Variants in MDFIC observed in about 807,000 individuals in gnomAD.
MDFIC encodes the protein myoD family inhibitor domain-containing protein.
In MDFIC, 17 loss-of-function variants were observed where a neutral mutation model predicts 23.2. The ratio of observed to expected loss-of-function variants is 0.73; its 90% CI spans 0.50 to 1.10. MDFIC has a LOEUF of 1.10. MDFIC is among the 50% of genes least tolerant of loss of function. MDFIC has a pLI of 0.00. For synonymous variants in MDFIC, 120 were observed against 115.2 expected, an observed-to-expected ratio of 1.04 and a Z score of -0.27; for missense variants, 356 against 316.6, an observed-to-expected ratio of 1.12 and a Z score of -0.95.
At chr7:114,976,923 C>T (rs1336409067) in intron 3 of MDFIC, among the ~76,000 whole-genome samples, 2 of 151,936 alleles carry the variant, frequency 1.3e-5, no homozygotes, top group African/African-American at 4.8e-5. Context: ...CTCTTTAGCA[C>T]ATTTATCAAC....
chr7:114,923,023 C>A lies in MDFIC; in HGVS notation c.-11C>A. ...CGGCAGCGGCGCGGCGCGGGCTCGG[C>A]GGAGCGGCCCATGTCCGGCGCGGGC... is the stretch of plus-strand genomic sequence containing the variant. On this transcript the variant is annotated 5_prime_UTR_variant, in exon 2 of 5. Transcript: ENST00000393486. The A allele has an allele frequency of 1.4e-6, 2 of 1,433,076 alleles. No homozygotes were observed. Among genetic ancestry groups the A allele is most frequent in the Non-Finnish European group, 9.2e-7 (1 of 1,091,436 alleles). The allele number at this position is 1,433,076 out of a possible 1,614,324, so 88.8% of individuals were successfully genotyped here. A position where few individuals can be genotyped will look rare whatever the true frequency, so the allele number is the denominator to read the frequency against.
chr7:114,933,344 C>CTCCTCCCA (rs1792364550), intron 2 of MDFIC, among the ~76,000 whole-genome samples: 1 of 151,478 alleles, frequency 6.6e-6, no homozygotes, highest in Non-Finnish European at 1.5e-5. Flanking sequence ...CTGCAGCCTC[C>CTCCTCCCA]GCCTCCCAGG....
chr7:114,956,094 A>AGT (rs1249276248), intron 3 of MDFIC, among the ~76,000 whole-genome samples: 1 of 152,058 alleles, frequency 6.6e-6, no homozygotes, highest in Non-Finnish European at 1.5e-5. Flanking sequence ...TCCTCTAGAG[A>AGT]GTGTTAGAAT....
chr7:114,988,284 G>A (rs891589401), intron 4 of MDFIC, among the ~76,000 whole-genome samples: 2 of 152,112 alleles, frequency 1.3e-5, no homozygotes, highest in Admixed American at 1.3e-4. Context: ...TGGATGCAGA[G>A]GCTATTTAGA....
At chr7:114,998,682 C>T (rs1474268404) in intron 4 of MDFIC, among the ~76,000 whole-genome samples, 2 of 151,856 alleles carry the variant, frequency 1.3e-5, no homozygotes, top group African/African-American at 2.4e-5. Flanking sequence ...TACCTGTTTT[C>T]CCCCCAATGT....
At chr7:114,958,867 T>C (rs1792934266) in intron 3 of MDFIC, among the ~76,000 whole-genome samples, 1 of 152,216 alleles carries the variant, frequency 6.6e-6, no homozygotes, top group African/African-American at 2.4e-5. Context: ...ATTATCTTCC[T>C]CCGGTTTGCT....
intron 2 of MDFIC, among the ~76,000 whole-genome samples, chr7:114,937,222 A>G (rs191667540): frequency 6.2e-4 from 95 of 152,304 alleles, no homozygotes; most frequent in Admixed American, 2.0e-3. Context: ...GTTTCTTACC[A>G]TTCATGCCCT....
intron 4 of MDFIC, among the ~76,000 whole-genome samples, chr7:114,998,734 T>C (rs1322915239): frequency 6.6e-6 from 1 of 152,200 alleles, no homozygotes; most frequent in African/African-American, 2.4e-5. Context: ...TGTGCTTCCA[T>C]CTCTGTATAT....
rs1792546910 is a variant in MDFIC, at chr7:114,941,885, C to G, written c.95-390C>G. On this transcript the variant is annotated intron_variant, in intron 2 of 4. Coordinates refer to ENST00000393486, the MANE Select transcript of MDFIC (RefSeq NM_001166345.3). ...AGCTGCAGGCCGACTTTCGTCTCTA[C>G]CACTCATCAGAGCTTCTTCTCTTTC... Among the ~76,000 whole-genome samples, 3 of 152,300 alleles carry G rather than the reference C, an allele frequency of 2.0e-5. 1 individual carries two copies. The highest frequency in any genetic ancestry group is 4.1e-4 in the South Asian group (2 of 4,824).
At chr7:114,971,183 G>A (rs1793198199) in intron 3 of MDFIC, among the ~76,000 whole-genome samples, 2 of 152,190 alleles carry the variant, frequency 1.3e-5, no homozygotes, top group Non-Finnish European at 1.5e-5. Context: ...ACAGTTTTCT[G>A]CAGAGTACCA....
chr7:115,010,338 GAAATAGAAGGTTAC>G (rs1030950489), intron 4 of MDFIC, among the ~76,000 whole-genome samples: 10 of 151,494 alleles, frequency 6.6e-5, no homozygotes, highest in Admixed American at 6.6e-4. Context: ...CTATGACTTA[GAAATAGAAGGTTAC>G]AAATAGAAGG....
chr7:114,946,656 T>A (rs1432843205), intron 3 of MDFIC, among the ~76,000 whole-genome samples: 2 of 152,234 alleles, frequency 1.3e-5, no homozygotes, highest in African/African-American at 2.4e-5. Context: ...AACCCATTTA[T>A]TCATTTTGAA....
At chr7:114,978,617 A>C (rs1344456777) in intron 3 of MDFIC, among the ~76,000 whole-genome samples, 4 of 151,930 alleles carry the variant, frequency 2.6e-5, no homozygotes, top group Non-Finnish European at 5.9e-5. Context: ...TTGATTTTAT[A>C]TGGTTGTGTA....
intron 3 of MDFIC, among the ~76,000 whole-genome samples, chr7:114,951,737 T>C (rs1792776481): frequency 6.6e-6 from 1 of 152,190 alleles, no homozygotes; most frequent in African/African-American, 2.4e-5. Flanking sequence ...TCACGTGATA[T>C]GGCAAAATAT....
At chr7:114,930,436 C>A (rs1375782457) in intron 2 of MDFIC, among the ~76,000 whole-genome samples, 2 of 152,104 alleles carry the variant, frequency 1.3e-5, no homozygotes, top group Non-Finnish European at 2.9e-5. Flanking sequence ...CAGGCTAAGA[C>A]CTCTGGCGAG....
At chr7:115,013,339 G>C (rs561822164) in intron 4 of MDFIC, among the ~76,000 whole-genome samples, 2 of 123,696 alleles carry the variant, frequency 1.6e-5, no homozygotes, top group East Asian at 1.0e-3. Flanking sequence ...CTATTTCTAA[G>C]GCTGGAACGA....
chr7:114,972,753 C>G (rs35316789), intron 3 of MDFIC, among the ~76,000 whole-genome samples: 1 of 151,992 alleles, frequency 6.6e-6, no homozygotes, highest in Non-Finnish European at 1.5e-5. Flanking sequence ...TGTAGCCTCC[C>G]GTGTACAGGC....
At chr7:114,929,101 A>ATCTATCTATCTATCTATCTATCTG (rs1563134663) in intron 2 of MDFIC, among the ~76,000 whole-genome samples, 4 of 151,608 alleles carry the variant, frequency 2.6e-5, no homozygotes, top group Admixed American at 1.3e-4. Context: ...CTATCTATCT[A>ATCTATCTATCTATCTATCTATCTG]TCATCTATCT....
At chr7:115,006,190 C>T (rs2116107626) in intron 4 of MDFIC, among the ~76,000 whole-genome samples, 1 of 152,324 alleles carries the variant, frequency 6.6e-6, no homozygotes, top group East Asian at 1.9e-4. Flanking sequence ...CCTCTCAGCC[C>T]TTTGGATTGC....
Sources: gnomAD v4.1 joint callset for allele counts (sites outside exome capture counted in the v4.1 genomes callset) on GRCh38, gnomAD v4.1.1 for gene constraint, MANE v1.5 for transcripts, NCBI Gene and HGNC (gene_info 2026-07-23, HGNC 2026-07-21) for gene names.